Variants in EXOC6B observed in about 807,000 individuals in gnomAD.
The protein encoded by EXOC6B is SEC15 homolog B.
A neutral mutation model predicts 113.5 loss-of-function variants in EXOC6B; 54 were observed. The ratio of observed to expected loss-of-function variants is 0.48; its 90% CI spans 0.38 to 0.60. EXOC6B has a LOEUF of 0.60. Ranked by LOEUF, EXOC6B falls within the 20% of genes least tolerant of loss-of-function variation. The probability of loss-of-function intolerance (pLI) is 0.00; values close to 1 mark genes in which losing one functional copy is unlikely to be tolerated. For missense variants in EXOC6B, 797 were observed against 977.5 expected, an observed-to-expected ratio of 0.82 and a Z score of 2.46; for synonymous variants, 357 against 339.0, an observed-to-expected ratio of 1.05 and a Z score of -0.58.
At chr2:72,430,502 T>G (rs983032626) in intron 18 of EXOC6B, among the ~76,000 whole-genome samples, 3 of 152,046 alleles carry the variant, frequency 2.0e-5, no homozygotes, top group Non-Finnish European at 2.9e-5. Flanking sequence ...CAAAAATTAG[T>G]CAGGCATGGT....
At chr2:72,271,566 AAAAG>A (rs1433357238) in intron 20 of EXOC6B, among the ~76,000 whole-genome samples, 1 of 152,040 alleles carries the variant, frequency 6.6e-6, no homozygotes, top group Non-Finnish European at 1.5e-5. Flanking sequence ...GAGAGGGAGA[AAAAG>A]AAAGAGAAGG....
chr2:72,517,429 T>C (rs1701273306), intron 8 of EXOC6B, among the ~76,000 whole-genome samples: 1 of 152,188 alleles, frequency 6.6e-6, no homozygotes, highest in Admixed American at 6.5e-5. Context: ...AAAGTGATTA[T>C]AACTGTATAC....
At chr2:72,787,722 C>T (rs1026654807) in intron 1 of EXOC6B, among the ~76,000 whole-genome samples, 12 of 152,256 alleles carry the variant, frequency 7.9e-5, no homozygotes, top group African/African-American at 2.6e-4. Context: ...TCAGGACTCA[C>T]TGCAGGTGAT....
chr2:72,578,043 A>C (rs1314224569), intron 6 of EXOC6B, among the ~76,000 whole-genome samples: 1 of 152,098 alleles, frequency 6.6e-6, no homozygotes, highest in Non-Finnish European at 1.5e-5. Context: ...GAAATTGAGC[A>C]AGGTTTATTC....
At chr2:72,644,401 A>C (rs1049521970) in intron 6 of EXOC6B, among the ~76,000 whole-genome samples, 3 of 152,254 alleles carry the variant, frequency 2.0e-5, no homozygotes, top group African/African-American at 7.2e-5. Flanking sequence ...GAACCTAGCA[A>C]GGCAGGCCAA....
At position 72,458,303 on chromosome 2, in the gene EXOC6B, T is replaced by C. The variant is rs555188853; in HGVS notation, c.1980+6857A>G. On this transcript the variant is annotated intron_variant, in intron 18 of 21. Coordinates refer to ENST00000272427, the MANE Select transcript of EXOC6B (RefSeq NM_015189.3). ...CCCGAAGGCAAATCTTAGACACAGC[T>C]CTGTTTTGTGACTAATACAGGGTTC... is the stretch of plus-strand genomic sequence containing the variant. Among the ~76,000 whole-genome samples the C allele has an allele frequency of 1.3e-4, 20 of 152,290 alleles. 1 individual carries two copies. Among genetic ancestry groups the C allele is most frequent in the African/African-American group, 4.6e-4 (19 of 41,576 alleles).
chr2:72,769,210 G>A (rs949413466), intron 1 of EXOC6B, among the ~76,000 whole-genome samples: 1 of 152,054 alleles, frequency 6.6e-6, no homozygotes, highest in African/African-American at 2.4e-5. Flanking sequence ...AATGCTAAAG[G>A]GAGTTCTGCA....
At chr2:72,654,695 A>C (rs1426884460) in intron 6 of EXOC6B, among the ~76,000 whole-genome samples, 2 of 152,180 alleles carry the variant, frequency 1.3e-5, no homozygotes, top group African/African-American at 4.8e-5. Flanking sequence ...GAGCTATTGT[A>C]AATTTTCAGT....
chr2:72,219,675 A>AT (rs1680749066), intron 20 of EXOC6B, among the ~76,000 whole-genome samples: 2 of 151,906 alleles, frequency 1.3e-5, no homozygotes, highest in Admixed American at 6.6e-5. Context: ...TTCTCTTTTC[A>AT]TTTTTTTCTG....
chr2:72,747,593 TCTGCTACTTGCAA>T (rs1681782966), intron 1 of EXOC6B, among the ~76,000 whole-genome samples: 2 of 152,084 alleles, frequency 1.3e-5, no homozygotes, highest in Admixed American at 1.3e-4. Flanking sequence ...CCCTTGATAT[TCTGCTACTTGCAA>T]AGGAAAGTAT....
intron 18 of EXOC6B, among the ~76,000 whole-genome samples, chr2:72,413,051 C>T (rs895998919): frequency 1.3e-5 from 2 of 152,008 alleles, no homozygotes; most frequent in Non-Finnish European, 2.9e-5. Context: ...CTCCGCCTCC[C>T]GGGTTCACGC....
At chr2:72,450,675 C>T (rs761725025) in intron 18 of EXOC6B, among the ~76,000 whole-genome samples, 15 of 152,160 alleles carry the variant, frequency 9.9e-5, no homozygotes, top group African/African-American at 1.9e-4. Context: ...GGAAGTTTCT[C>T]TTGACTTTCT....
chr2:72,636,446 GGAA>G (rs145370470), intron 6 of EXOC6B, among the ~76,000 whole-genome samples: 101 of 150,338 alleles, frequency 6.7e-4, no homozygotes, highest in African/African-American at 2.4e-3. Flanking sequence ...GGAGGAAGAA[GGAA>G]GAAGAAGGAG....
chr2:72,220,659 GACA>G (rs1245549484), intron 20 of EXOC6B, among the ~76,000 whole-genome samples: 2 of 152,076 alleles, frequency 1.3e-5, no homozygotes, highest in South Asian at 2.1e-4. Context: ...GGAAATTCGT[GACA>G]ACATCATATC....
chr2:72,626,464 T>A (rs1327110228), intron 6 of EXOC6B, among the ~76,000 whole-genome samples: 1 of 152,210 alleles, frequency 6.6e-6, no homozygotes, highest in Non-Finnish European at 1.5e-5. Flanking sequence ...TCAGACAAGA[T>A]GATTTTGGAG....
chr2:72,413,008 GAGTGC>G (rs1694277745), intron 18 of EXOC6B, among the ~76,000 whole-genome samples: 1 of 151,842 alleles, frequency 6.6e-6, no homozygotes, highest in Non-Finnish European at 1.5e-5. Context: ...ACCCAGGCTG[GAGTGC>G]AGTGGCGCGA....
At chr2:72,556,270 T>G (rs1240406324) in intron 8 of EXOC6B, among the ~76,000 whole-genome samples, 1 of 152,226 alleles carries the variant, frequency 6.6e-6, no homozygotes, top group East Asian at 1.9e-4. Flanking sequence ...CACTATACAG[T>G]CCTTCTCCAC....
At chr2:72,458,135 A>C (rs1036244313) in intron 18 of EXOC6B, among the ~76,000 whole-genome samples, 3 of 152,142 alleles carry the variant, frequency 2.0e-5, no homozygotes, top group African/African-American at 7.2e-5. Context: ...TTTTCTATCA[A>C]TCAATCCCTC....
At chr2:72,360,033 G>A (rs946097027) in intron 19 of EXOC6B, among the ~76,000 whole-genome samples, 7 of 152,064 alleles carry the variant, frequency 4.6e-5, no homozygotes, top group Admixed American at 6.6e-5. Context: ...TTCTTGTACA[G>A]CTTGCAGAAC....
Sources: gnomAD v4.1 joint callset for allele counts (sites outside exome capture counted in the v4.1 genomes callset) on GRCh38, gnomAD v4.1.1 for gene constraint, MANE v1.5 for transcripts, NCBI Gene and HGNC (gene_info 2026-07-23, HGNC 2026-07-21) for gene names.